TMEM131: variants seen among roughly 807,000 people sequenced by gnomAD.
TMEM131 encodes transmembrane protein 131, also known as 2610524E03Rik.
Under a neutral mutation model 211.6 loss-of-function variants are expected in TMEM131, and 66 were observed. That is an observed-to-expected ratio of 0.31 (90% CI 0.26 to 0.38). The LOEUF (loss-of-function observed/expected upper bound fraction) is 0.38, where lower values mean the gene tolerates loss of function less well. TMEM131 is among the 10% of genes least tolerant of loss of function. The probability of loss-of-function intolerance (pLI) is 1.00; values close to 1 mark genes in which losing one functional copy is unlikely to be tolerated. For missense variants in TMEM131, 2,036 were observed against 2,299.3 expected (o/e 0.89, Z 2.34); for synonymous variants, 844 against 841.3 (o/e 1.00, Z -0.06).
chr2:97,922,008 T>G (rs1172278161), intron 2 of TMEM131, among the ~76,000 whole-genome samples: 3 of 152,226 alleles, frequency 2.0e-5, no homozygotes, highest in Non-Finnish European at 4.4e-5. Context: ...ACACATACTC[T>G]ATGACAGTGG....
At chr2:97,944,180 A>G (rs1677928079) in intron 1 of TMEM131, among the ~76,000 whole-genome samples, 1 of 152,208 alleles carries the variant, frequency 6.6e-6, no homozygotes, top group South Asian at 2.1e-4. Flanking sequence ...TTTATGGCCA[A>G]TTGATTTCGG....
intron 40 of TMEM131, among the ~76,000 whole-genome samples, chr2:97,757,903 TG>T (rs1678586384): frequency 6.6e-6 from 1 of 152,168 alleles, no homozygotes; most frequent in Admixed American, 6.5e-5. Context: ...GAGGCCGACG[TG>T]GGCGGATCAC....
At chr2:97,776,433 A>C (rs1252426543) in intron 31 of TMEM131, among the ~76,000 whole-genome samples, 1 of 151,932 alleles carries the variant, frequency 6.6e-6, no homozygotes, top group Non-Finnish European at 1.5e-5. Flanking sequence ...GACTCTTCTG[A>C]TTAAAAAAGG....
At chr2:97,821,328 A>G (rs538083918) in intron 11 of TMEM131, among the ~76,000 whole-genome samples, 73 of 152,314 alleles carry the variant, frequency 4.8e-4, no homozygotes, top group African/African-American at 1.4e-3. Flanking sequence ...ATCAATCGGC[A>G]TTCTGTAAAA....
intron 1 of TMEM131, among the ~76,000 whole-genome samples, chr2:97,960,967 TA>T (rs1209906438): frequency 4.6e-5 from 7 of 152,074 alleles, no homozygotes; most frequent in South Asian, 2.1e-4. Context: ...AAGAATTTGA[TA>T]AAATTCACCA....
At chr2:97,955,130 C>T (rs1262769427) in intron 1 of TMEM131, among the ~76,000 whole-genome samples, 1 of 151,940 alleles carries the variant, frequency 6.6e-6, no homozygotes, top group Admixed American at 6.5e-5. Context: ...AAGGACTACA[C>T]ACCATAAGCA....
At chr2:97,767,334 C>G (rs185891480) in intron 33 of TMEM131, among the ~76,000 whole-genome samples, 177 of 152,256 alleles carry the variant, frequency 1.2e-3, no homozygotes, top group African/African-American at 4.1e-3. Context: ...TGCTGGGAGA[C>G]AGCAGCTGGA....
intron 2 of TMEM131, among the ~76,000 whole-genome samples, chr2:97,920,968 C>CAAGTGTGTGT (rs1284985326): frequency 9.9e-6 from 1 of 101,448 alleles, no homozygotes; most frequent in African/African-American, 4.1e-5. Flanking sequence ...TAAAAAATCC[C>CAAGTGTGTGT]GAGTGTGTGT....
At chr2:97,840,495 C>A (rs1683147241) in intron 7 of TMEM131, among the ~76,000 whole-genome samples, 1 of 152,180 alleles carries the variant, frequency 6.6e-6, no homozygotes, top group African/African-American at 2.4e-5. Flanking sequence ...GAAGCTAAGG[C>A]AGGAGGATTG....
chr2:97,856,807 T>C (rs1452354781), intron 5 of TMEM131, among the ~76,000 whole-genome samples: 1 of 152,148 alleles, frequency 6.6e-6, no homozygotes, highest in Non-Finnish European at 1.5e-5. Context: ...AGTGTCTTAT[T>C]GTAGGGAAAA....
chr2:97,886,496 T>G (rs1189158838), intron 4 of TMEM131, among the ~76,000 whole-genome samples: 2 of 152,158 alleles, frequency 1.3e-5, no homozygotes, highest in African/African-American at 4.8e-5. Context: ...TGTGTCTAGG[T>G]GGGCACTGTA....
At position 97,838,711 on chromosome 2, in the gene TMEM131, G is replaced by A. The variant is rs553140404; in HGVS notation, c.724-1554C>T. Among the ~76,000 whole-genome samples, 163 of 152,200 alleles carry A rather than the reference G, an allele frequency of 1.1e-3. 1 individual carries two copies. The highest frequency in any genetic ancestry group is 3.6e-3 in the African/African-American group (151 of 41,552). Reference sequence around the variant, plus strand: ...ACCCATCTCGGCCTCCCAAAGTGCTGGGATTACAGGCATGAGCCACTGCGC... The same window carrying A: ...ACCCATCTCGGCCTCCCAAAGTGCTAGGATTACAGGCATGAGCCACTGCGC... On this transcript the variant is annotated intron_variant, in intron 7 of 40. Transcript: ENST00000186436.
At chr2:97,978,809 C>A (rs1424220462) in intron 1 of TMEM131, among the ~76,000 whole-genome samples, 1 of 152,180 alleles carries the variant, frequency 6.6e-6, no homozygotes, top group Non-Finnish European at 1.5e-5. Context: ...CTGACCTCCT[C>A]CTATGAATCA....
intron 4 of TMEM131, among the ~76,000 whole-genome samples, chr2:97,884,009 T>C (rs1675038838): frequency 6.6e-6 from 1 of 152,146 alleles, no homozygotes; most frequent in African/African-American, 2.4e-5. Context: ...AGATGCATCA[T>C]TAGGTTGTTT....
intron 25 of TMEM131, 123 bp from the exon 26 acceptor site, chr2:97,797,639 T>C: frequency 3.7e-6 from 3 of 801,480 alleles, no homozygotes; most frequent in Non-Finnish European, 5.7e-6. Context: ...TAAACAATTT[T>C]ATCTGTCATG....
intron 31 of TMEM131, among the ~76,000 whole-genome samples, chr2:97,790,579 G>A (rs1041887968): frequency 5.9e-5 from 9 of 152,190 alleles, no homozygotes; most frequent in Admixed American, 6.5e-5. Flanking sequence ...GGCCCATCAC[G>A]CTGGTGTTGG....
At chr2:97,939,409 A>T (rs926368092) in intron 1 of TMEM131, among the ~76,000 whole-genome samples, 3 of 152,256 alleles carry the variant, frequency 2.0e-5, no homozygotes, top group African/African-American at 7.2e-5. Flanking sequence ...CTATGCAAAT[A>T]AACTAGAAAA....
Position 97,827,241 on chromosome 2 carries a change from C to G in TMEM131, c.1074+6124G>C, listed in dbSNP as rs564607781. On this transcript the variant is annotated intron_variant, in intron 11 of 40. Coordinates refer to ENST00000186436, the MANE Select transcript of TMEM131 (RefSeq NM_015348.2). ...GGCACCTGGCACGCGCCTTCCCCGC[C>G]GCCAGGATGCCCAAGAGGAAGGTCA... 1,036 of 770,642 alleles carry G rather than the reference C, an allele frequency of 1.3e-3. 6 individuals are homozygous for G. Among genetic ancestry groups the G allele is most frequent in the South Asian group, 2.6e-3 (189 of 73,024 alleles). 47.7% of individuals were successfully genotyped at this position (770,642 alleles called of 1,614,324 possible). A position where few individuals can be genotyped will look rare whatever the true frequency, so the allele number is the denominator to read the frequency against.
intron 32 of TMEM131, among the ~76,000 whole-genome samples, chr2:97,774,126 G>A (rs969340854): frequency 3.3e-5 from 5 of 152,202 alleles, no homozygotes; most frequent in African/African-American, 9.7e-5. Context: ...CCAGAGCTAG[G>A]GCTAAAACAT....
Sources: gnomAD v4.1 joint callset for allele counts (sites outside exome capture counted in the v4.1 genomes callset) on GRCh38, gnomAD v4.1.1 for gene constraint, MANE v1.5 for transcripts, NCBI Gene and HGNC (gene_info 2026-07-23, HGNC 2026-07-21) for gene names.